The following TATDN3 variants were observed in gnomAD, a reference collection of about 807,000 sequenced individuals.
TATDN3 encodes TatD DNase domain containing 3, also known as deoxyribonuclease TATDN3.
TATDN3 carries 29 observed loss-of-function variants against 40.1 expected under a neutral mutation model. The observed-to-expected ratio is 0.72, with a 90% confidence interval of 0.54 to 0.99. The LOEUF is 0.99. Among genes scored for constraint, TATDN3 ranks in the 50% least tolerant of loss-of-function variants. The probability of loss-of-function intolerance (pLI) is 0.00; values close to 1 mark genes in which losing one functional copy is unlikely to be tolerated. For synonymous variants in TATDN3, 105 were observed against 117.0 expected, an observed-to-expected ratio of 0.90 and a Z score of 0.66; for missense variants, 309 against 321.9, an observed-to-expected ratio of 0.96 and a Z score of 0.31.
At chr1:212,795,551 G>A (rs115181757) in intron 2 of TATDN3, among the ~76,000 whole-genome samples, 1,605 of 152,100 alleles carry the variant, frequency 0.011, 23 homozygotes, top group African/African-American at 0.037. Context: ...GATTGCAGGC[G>A]TGACCCACTA....
chr1:212,806,747 C>CATATATATATATATAT (rs71495077), intron 7 of TATDN3, among the ~76,000 whole-genome samples: 2 of 43,988 alleles, frequency 4.5e-5, no homozygotes, highest in African/African-American at 7.6e-5. Flanking sequence ...TCTCTCTCTC[C>CATATATATATATATAT]ATATATATAT....
chr1:212,792,194 G>A lies in TATDN3; in HGVS notation c.66+207G>A, dbSNP rs1661353429. Among the ~76,000 whole-genome samples the A allele has an allele frequency of 5.3e-5, 8 of 152,078 alleles. No individual in the cohort carries two copies. In the South Asian group the frequency reaches 1.2e-3, roughly 24 times the overall value. ...TTTTTTCCTGATTCAGTAGCGGTAAGCTATCTCCACAAGGCTTTTGTTTGC... is the reference window on the plus strand; with the variant it reads ...TTTTTTCCTGATTCAGTAGCGGTAAACTATCTCCACAAGGCTTTTGTTTGC... On this transcript the variant is annotated intron_variant, in intron 1 of 9. Transcript: ENST00000366974.
At chr1:212,810,511 CAAAAAAAAAAAA>C (rs55912631) in intron 8 of TATDN3, among the ~76,000 whole-genome samples, 2 of 49,724 alleles carry the variant, frequency 4.0e-5, no homozygotes, top group African/African-American at 8.4e-5. Flanking sequence ...GACTCTGTCT[CAAAAAAAAAAAA>C]AAAAAAAAAA....
rs1558089686 is a variant in TATDN3 at position 212,815,134 on chromosome 1, T to TC, written c.805dup (p.Arg269ProfsTer27). The TC allele has an allele frequency of 1.9e-6, 3 of 1,612,174 alleles. No individual in the cohort carries two copies. Among genetic ancestry groups the TC allele is most frequent in the Non-Finnish European group, 2.5e-6 (3 of 1,179,548 alleles). On this transcript the variant is annotated frameshift_variant, in exon 10 of 10. Coordinates refer to ENST00000366974, the MANE Select transcript of TATDN3 (RefSeq NM_001042552.3). LOFTEE classifies it high-confidence loss of function. ...AATGCATTAAAACTGTTTCCTAAGCTCCGACACTTGCTCCAGAAATAGCTT... is the reference window on the plus strand; with the variant it reads ...AATGCATTAAAACTGTTTCCTAAGCTCCCGACACTTGCTCCAGAAATAGCTT...
intron 7 of TATDN3, among the ~76,000 whole-genome samples, chr1:212,806,328 A>C (rs1026117292): frequency 3.3e-5 from 5 of 152,000 alleles, no homozygotes; most frequent in African/African-American, 1.2e-4. Context: ...ATGGTGCAGA[A>C]AATTTATATT....
Position 212,804,624 on chromosome 1 carries a change from C to CCTA in TATDN3, c.462_464dup (p.Thr155dup). 6.2e-7 allele frequency: 1 copy of CCTA among 1,613,734 alleles called. No homozygotes were observed. The highest frequency in any genetic ancestry group is 1.1e-5 in the South Asian group (1 of 90,954). ...TGTGCACTCACGCTCTGCTGGAAGA[C>CCTA]CTACCATCAACCTTTTACAAGAGCA... On this transcript the variant is annotated inframe_insertion, in exon 7 of 10. Transcript: ENST00000366974.
chr1:212,794,980 C>T, intron 1 of TATDN3, 115 bp from the exon 2 acceptor site: 1 of 798,672 alleles, frequency 1.3e-6, no homozygotes. Flanking sequence ...TTCCACCACT[C>T]CATTAGTTGC....
chr1:212,792,031 C>G (rs752592724), intron 1 of TATDN3, 44 bp downstream of exon 1: 2 of 1,587,302 alleles, frequency 1.3e-6, no homozygotes, highest in South Asian at 2.2e-5. Context: ...GGGAGGCCCC[C>G]GTCCTTTCCC....
rs552259892 is a variant in TATDN3 at position 212,800,228 on chromosome 1, A to G, written c.259-2473A>G. On this transcript the variant is annotated intron_variant, in intron 4 of 9. Transcript: ENST00000366974. ...GGATAAACCACAATGAACTGTGGTG[A>G]ACAAATGATGCTGGACGGGACCAGA... 2.6e-5 allele frequency among the ~76,000 whole-genome samples: 4 copies of G among 152,330 alleles called. No individual in the cohort carries two copies. The South Asian group carries it at 8.3e-4, about 32-fold the overall frequency.
At chr1:212,798,417 C>T (rs965061228) in intron 4 of TATDN3, among the ~76,000 whole-genome samples, 1 of 151,098 alleles carries the variant, frequency 6.6e-6, no homozygotes, top group Non-Finnish European at 1.5e-5. Flanking sequence ...AAATTCATGA[C>T]CAGGCATGGT....
At chr1:212,812,879 C>T (rs922375297) in intron 9 of TATDN3, among the ~76,000 whole-genome samples, 6 of 151,928 alleles carry the variant, frequency 3.9e-5, no homozygotes, top group African/African-American at 1.2e-4. Context: ...GTGGCACATG[C>T]GCCTGTAATC....
rs576699755 is a variant in TATDN3 at position 212,815,314 on chromosome 1, C to T, written c.*158C>T. ...TATTTCTCTTAGAAATAAAACTGGG[C>T]TTGGATCCTGAAACCCTGGGTTCTG... On this transcript the variant is annotated 3_prime_UTR_variant, in exon 10 of 10. Coordinates refer to ENST00000366974, the MANE Select transcript of TATDN3 (RefSeq NM_001042552.3). The T allele has an allele frequency of 1.1e-6, 1 of 883,412 alleles. No homozygotes were observed. The highest frequency in any genetic ancestry group is 1.7e-5 in the African/African-American group (1 of 57,534). 54.7% of individuals were successfully genotyped at this position (883,412 alleles called of 1,614,324 possible). A position where few individuals can be genotyped will look rare whatever the true frequency, so the allele number is the denominator to read the frequency against.
At chr1:212,793,890 T>C (rs1661533924) in intron 1 of TATDN3, among the ~76,000 whole-genome samples, 1 of 152,164 alleles carries the variant, frequency 6.6e-6, no homozygotes, top group South Asian at 2.1e-4. Flanking sequence ...TAAAGATTTA[T>C]GTTTGGGGCA....
chr1:212,805,984 T>C (rs72743909), intron 7 of TATDN3, among the ~76,000 whole-genome samples: 16,538 of 152,240 alleles, frequency 0.11, 980 homozygotes, highest in Middle Eastern at 0.16. Context: ...TAAACTAAGT[T>C]GGTTTCATAA....
At chr1:212,806,769 T>C (rs1470109369) in intron 7 of TATDN3, among the ~76,000 whole-genome samples, 1 of 116,416 alleles carries the variant, frequency 8.6e-6, no homozygotes, top group African/African-American at 3.1e-5. Context: ...TATATATATA[T>C]ATATATATAT....
chr1:212,804,324 G>A lies in TATDN3; in HGVS notation c.326G>A (p.Gly109Glu), dbSNP rs1662332032. 1 of 1,612,768 alleles carries A rather than the reference G, an allele frequency of 6.2e-7. No individual in the cohort carries two copies. The highest frequency in any genetic ancestry group is 1.1e-5 in the South Asian group (1 of 90,986). The change falls in exon 6 of 10, where the codon GGA (glycine) becomes GAA (glutamate). Residue 109 changes from glycine (G) to glutamate (E), a missense_variant. Gly to Glu is a moderately conservative substitution (Grantham distance 98). Coordinates refer to ENST00000366974, the MANE Select transcript of TATDN3 (RefSeq NM_001042552.3). ...KDRLLAIGEV[G>E]LDFSPRFAGT... ...TCTTTTATTTTTCTGCTCTAGGTTG[G>A]ACTAGATTTCTCCCCCAGATTTGCT...
At position 212,804,619 on chromosome 1, in the gene TATDN3, G is replaced by A. The variant is rs772985661; in HGVS notation, c.455G>A (p.Gly152Glu). The A allele has an allele frequency of 6.2e-7, 1 of 1,613,764 alleles. No individual in the cohort carries two copies. Among genetic ancestry groups the A allele is most frequent in the Admixed American group, 1.7e-5 (1 of 59,904 alleles). Residue 152 changes from glycine (G) to glutamate (E), a missense_variant, in exon 7 of 10, where the codon GGA (glycine) becomes GAA (glutamate). Coordinates refer to ENST00000366974, the MANE Select transcript of TATDN3 (RefSeq NM_001042552.3). The part of the protein sequence containing the change: ...LPVNVHSRSA[G>E]RPTINLLQEQ... ...AGAAATGTGCACTCACGCTCTGCTGGAAGACCTACCATCAACCTTTTACAA... is the reference window on the plus strand; with the variant it reads ...AGAAATGTGCACTCACGCTCTGCTGAAAGACCTACCATCAACCTTTTACAA...
intron 8 of TATDN3, among the ~76,000 whole-genome samples, chr1:212,811,647 C>T (rs12130072): frequency 0.079 from 12,066 of 151,968 alleles, 554 homozygotes; most frequent in East Asian, 0.24. Context: ...GGCGTGATCT[C>T]GGCTCACTGC....
chr1:212,809,684 C>CA (rs753985101), intron 8 of TATDN3, among the ~76,000 whole-genome samples: 1,985 of 82,172 alleles, frequency 0.024, 42 homozygotes, highest in African/African-American at 0.077. Flanking sequence ...GACTCCGTCT[C>CA]AAAAAAAAAA....
Sources: allele counts gnomAD v4.1 joint callset (sites outside exome capture counted in the v4.1 genomes callset), GRCh38; gene constraint gnomAD v4.1.1; transcripts MANE v1.5; gene names NCBI Gene and HGNC (gene_info 2026-07-23, HGNC 2026-07-21).